The following RTN1 variants were observed in gnomAD, a reference collection of about 807,000 sequenced individuals.
RTN1 encodes the protein reticulon 1, also known as reticulon-1.
Under a neutral mutation model 65.5 loss-of-function variants are expected in RTN1, and 25 were observed. The ratio of observed to expected loss-of-function variants is 0.38; its 90% CI spans 0.28 to 0.53. The LOEUF is 0.53. Ranked by LOEUF, RTN1 falls within the 20% of genes least tolerant of loss-of-function variation. The pLI is 0.79. For synonymous variants in RTN1, 471 were observed against 447.6 expected (o/e 1.05, Z -0.66); for missense variants, 983 against 1,025.4 (o/e 0.96, Z 0.57).
At chr14:59,739,619 G>A (rs899008291) in intron 2 of RTN1, among the ~76,000 whole-genome samples, 4 of 152,004 alleles carry the variant, frequency 2.6e-5, no homozygotes, top group African/African-American at 9.7e-5. Flanking sequence ...GTTGAATTAT[G>A]ACAACTGGAG....
At chr14:59,837,473 T>C (rs139509494) in intron 1 of RTN1, among the ~76,000 whole-genome samples, 5 of 152,068 alleles carry the variant, frequency 3.3e-5, no homozygotes, top group Non-Finnish European at 7.4e-5. Flanking sequence ...CGATAATATT[T>C]CTAATATGTC....
Position 59,830,870 on chromosome 14 carries a change from A to G in RTN1, c.241+39520T>C, listed in dbSNP as rs149584693. 3.2e-3 allele frequency among the ~76,000 whole-genome samples: 488 copies of G among 152,312 alleles called. 2 individuals carry two copies. Among genetic ancestry groups the G allele is most frequent in the African/African-American group, 0.011 (457 of 41,572 alleles). ...AGGCTAAATAATTATTATCTATATTATCATTTTTGTTATTACTATTATTAA... is the reference window on the plus strand; with the variant it reads ...AGGCTAAATAATTATTATCTATATTGTCATTTTTGTTATTACTATTATTAA... On this transcript the variant is annotated intron_variant, in intron 1 of 8. Transcript: ENST00000267484.
chr14:59,820,788 C>T (rs1261232166), intron 1 of RTN1, among the ~76,000 whole-genome samples: 4 of 152,084 alleles, frequency 2.6e-5, no homozygotes, highest in Non-Finnish European at 5.9e-5. Context: ...TTATCATATG[C>T]TATTGTCAAC....
rs1884448136 is a variant in RTN1, at chr14:59,712,648, G to A, written c.1765+14271C>T. On this transcript the variant is annotated intron_variant, in intron 3 of 8. Transcript: ENST00000267484. ...CATTAAATAAGTAATTAGGCCGGGC[G>A]TGGTGGCTCACACCTATAATCCCAG... Among the ~76,000 whole-genome samples, 5 of 152,178 alleles carry A rather than the reference G, an allele frequency of 3.3e-5. No homozygotes were observed. In the South Asian group the frequency reaches 6.2e-4, roughly 19 times the overall value.
intron 1 of RTN1, among the ~76,000 whole-genome samples, chr14:59,831,418 C>T (rs889227190): frequency 1.3e-5 from 2 of 152,100 alleles, no homozygotes; most frequent in Non-Finnish European, 2.9e-5. Flanking sequence ...CTTTTTCATG[C>T]CTGTGGACAC....
intron 1 of RTN1, among the ~76,000 whole-genome samples, chr14:59,867,652 A>G (rs1221608974): frequency 1.3e-5 from 2 of 152,236 alleles, no homozygotes. Context: ...TATAAAAATA[A>G]ATAACAGAAT....
At chr14:59,861,830 T>C (rs1294121659) in intron 1 of RTN1, among the ~76,000 whole-genome samples, 1 of 152,138 alleles carries the variant, frequency 6.6e-6, no homozygotes, top group African/African-American at 2.4e-5. Flanking sequence ...TTAATTTCTT[T>C]AACTATCTCT....
chr14:59,690,316 A>C (rs926863751), intron 3 of RTN1, among the ~76,000 whole-genome samples: 2 of 152,036 alleles, frequency 1.3e-5, no homozygotes, highest in Non-Finnish European at 2.9e-5. Context: ...GGGGGGGGTC[A>C]TTATCCTTAT....
intron 3 of RTN1, among the ~76,000 whole-genome samples, chr14:59,640,402 C>T (rs1480814041): frequency 6.6e-6 from 1 of 152,116 alleles, no homozygotes; most frequent in Non-Finnish European, 1.5e-5. Flanking sequence ...CTGAAGCCTC[C>T]ACCTCCCAGG....
At chr14:59,869,681 G>A (rs149373443) in intron 1 of RTN1, among the ~76,000 whole-genome samples, 2 of 151,816 alleles carry the variant, frequency 1.3e-5, no homozygotes, top group Non-Finnish European at 2.9e-5. Context: ...CTTAGGACTT[G>A]AAGTTTCAAT....
chr14:59,737,435 C>A (rs529140288), intron 2 of RTN1, among the ~76,000 whole-genome samples: 1 of 152,036 alleles, frequency 6.6e-6, no homozygotes, highest in Non-Finnish European at 1.5e-5. Context: ...AAATAAAATA[C>A]CTAGGAATAC....
At chr14:59,787,835 C>T (rs1165689337) in intron 1 of RTN1, among the ~76,000 whole-genome samples, 1 of 152,142 alleles carries the variant, frequency 6.6e-6, no homozygotes, top group Admixed American at 6.6e-5. Flanking sequence ...GTTCCTCTCC[C>T]TTCCGAGTCC....
At chr14:59,657,381 C>G (rs1183553168) in intron 3 of RTN1, among the ~76,000 whole-genome samples, 1 of 152,184 alleles carries the variant, frequency 6.6e-6, no homozygotes. Flanking sequence ...TGCACTGCAG[C>G]CTGGGTGAAA....
intron 3 of RTN1, among the ~76,000 whole-genome samples, chr14:59,664,596 A>G (rs1716339986): frequency 6.6e-6 from 1 of 152,164 alleles, no homozygotes. Flanking sequence ...GAATATTTAA[A>G]CCTATGCCCA....
chr14:59,749,569 A>C lies in RTN1; in HGVS notation c.242-3088T>G, dbSNP rs1366360549. Reference sequence around the variant, plus strand: ...TATTTATATAGATATCTATATATAGATATATATATATAGATATTTATATAT... The same window carrying C: ...TATTTATATAGATATCTATATATAGCTATATATATATAGATATTTATATAT... On this transcript the variant is annotated intron_variant, in intron 1 of 8. Coordinates refer to ENST00000267484, the MANE Select transcript of RTN1 (RefSeq NM_021136.3). 1.6e-4 allele frequency among the ~76,000 whole-genome samples: 7 copies of C among 42,828 alleles called. 1 individual carries two copies. The highest frequency in any genetic ancestry group is 1.1e-3 in the African/African-American group (5 of 4,466). The allele number at this position is 42,828 out of a possible 152,430, so 28.1% of individuals were successfully genotyped here. A position where few individuals can be genotyped will look rare whatever the true frequency, so the allele number is the denominator to read the frequency against.
At chr14:59,603,345 A>G in intron 6 of RTN1, 87 bp from the exon 7 acceptor site, 1 of 983,242 alleles carries the variant, frequency 1.0e-6, no homozygotes, top group Non-Finnish European at 1.5e-6. Flanking sequence ...GTTATATGAT[A>G]TTATAGCATT....
intron 1 of RTN1, among the ~76,000 whole-genome samples, chr14:59,815,710 C>T (rs1886808253): frequency 6.6e-6 from 1 of 152,212 alleles, no homozygotes; most frequent in Non-Finnish European, 1.5e-5. Context: ...TTTAGGCCTT[C>T]TCCTGTCCTG....
At chr14:59,597,503 T>C (rs1881439117) in intron 8 of RTN1, among the ~76,000 whole-genome samples, 1 of 152,216 alleles carries the variant, frequency 6.6e-6, no homozygotes, top group South Asian at 2.1e-4. Context: ...ATCGTGCAGA[T>C]TTTGATTGAG....
At chr14:59,867,915 C>A (rs1266924318) in intron 1 of RTN1, among the ~76,000 whole-genome samples, 3 of 152,136 alleles carry the variant, frequency 2.0e-5, no homozygotes, top group African/African-American at 7.2e-5. Context: ...CAGACCCTGA[C>A]CAGACACCAA....
Sources: gnomAD v4.1 joint callset for allele counts (sites outside exome capture counted in the v4.1 genomes callset) on GRCh38, gnomAD v4.1.1 for gene constraint, MANE v1.5 for transcripts, NCBI Gene and HGNC (gene_info 2026-07-23, HGNC 2026-07-21) for gene names.